FRAS1: variants seen among roughly 807,000 people sequenced by gnomAD.
FRAS1 encodes Fraser extracellular matrix complex subunit 1.
In FRAS1, 290 loss-of-function variants were observed where a neutral mutation model predicts 435.2. The observed-to-expected ratio is 0.67, with a 90% CI of 0.61 to 0.73. FRAS1 has a LOEUF of 0.73. Ranked by LOEUF, FRAS1 falls within the 30% of genes least tolerant of loss-of-function variation. The pLI is 0.00. For synonymous variants in FRAS1, 1,800 were observed against 1,851.0 expected, an observed-to-expected ratio of 0.97 and a Z score of 0.71; for missense variants, 4,860 against 5,001.5, an observed-to-expected ratio of 0.97 and a Z score of 0.85.
chr4:78,369,860 C>A lies in FRAS1; in HGVS notation c.2745C>A (p.Ser915Arg), dbSNP rs1279020615. ...CAGCATGCAACACACACTGTGGAAG[C>A]TGTGATTCACAGGCCAGCTGTACCT... The part of the protein sequence containing the change: ...VCQPCNTHCG[S>R]CDSQASCTSC... Residue 915 changes from serine to arginine, a missense_variant, in exon 23 of 74, where the codon AGC (serine) becomes AGA (arginine). By Grantham distance (110) the Ser-to-Arg change is moderately radical (BLOSUM62 -1). Coordinates refer to ENST00000512123, the MANE Select transcript of FRAS1 (RefSeq NM_025074.7). 1 of 1,613,116 alleles carries A rather than the reference C, an allele frequency of 6.2e-7. No homozygotes were observed. Among genetic ancestry groups the A allele is most frequent in the African/African-American group, 1.3e-5 (1 of 74,892 alleles).
chr4:78,534,021 G>T (rs1047691607), intron 70 of FRAS1, among the ~76,000 whole-genome samples: 6 of 152,162 alleles, frequency 3.9e-5, no homozygotes, highest in Admixed American at 3.9e-4. Flanking sequence ...AGGCAAGAGA[G>T]TATCGCCTAG....
intron 2 of FRAS1, among the ~76,000 whole-genome samples, chr4:78,173,633 G>T (rs1028741940): frequency 1.3e-5 from 2 of 152,258 alleles, no homozygotes; most frequent in South Asian, 2.1e-4. Context: ...TTTCATACAG[G>T]TATTTTGACT....
chr4:78,180,330 A>G (rs1032173319), intron 2 of FRAS1, among the ~76,000 whole-genome samples: 3 of 152,244 alleles, frequency 2.0e-5, no homozygotes, highest in Non-Finnish European at 2.9e-5. Context: ...AAAATATTAA[A>G]ACTAAGTTAA....
At chr4:78,129,538 GAAC>G (rs1719574228) in intron 2 of FRAS1, among the ~76,000 whole-genome samples, 2 of 136,474 alleles carry the variant, frequency 1.5e-5, no homozygotes, top group African/African-American at 7.0e-5. Flanking sequence ...CACATGCACA[GAAC>G]AGGGTAGTGG....
intron 14 of FRAS1, among the ~76,000 whole-genome samples, chr4:78,304,944 T>C (rs1728629981): frequency 6.6e-6 from 1 of 152,192 alleles, no homozygotes; most frequent in Non-Finnish European, 1.5e-5. Context: ...GTTCTTTTAA[T>C]TGTGATGTCA....
At chr4:78,243,436 T>C (rs1209992250) in intron 3 of FRAS1, among the ~76,000 whole-genome samples, 1 of 152,122 alleles carries the variant, frequency 6.6e-6, no homozygotes, top group Non-Finnish European at 1.5e-5. Flanking sequence ...CTGCAAAGCC[T>C]GGAGAAGGAC....
Position 78,445,824 on chromosome 4 carries a change from A to G in FRAS1, c.5856+112A>G. The G allele has an allele frequency of 2.1e-6, 3 of 1,425,240 alleles. 1 individual carries two copies. The highest frequency in any genetic ancestry group is 2.9e-5 in the African/African-American group (2 of 69,596). The allele number at this position is 1,425,240 out of a possible 1,614,324, so 88.3% of individuals were successfully genotyped here. On this transcript the variant is annotated intron_variant, in intron 42 of 73. Coordinates refer to ENST00000512123, the MANE Select transcript of FRAS1 (RefSeq NM_025074.7). ...CAAAGAAGATTGGATTTGACCTTCAAAATTGAAGGTCGTTCTTAAAATATA... is the reference window on the plus strand; with the variant it reads ...CAAAGAAGATTGGATTTGACCTTCAGAATTGAAGGTCGTTCTTAAAATATA...
intron 47 of FRAS1, among the ~76,000 whole-genome samples, chr4:78,459,009 GT>G (rs1213776665): frequency 6.6e-6 from 1 of 152,218 alleles, no homozygotes; most frequent in East Asian, 1.9e-4. Flanking sequence ...TCTCAGCTCT[GT>G]TTGGACATTA....
At chr4:78,379,482 T>C (rs1014152153) in intron 26 of FRAS1, 3 of 462,864 alleles carry the variant, frequency 6.5e-6, no homozygotes, top group Non-Finnish European at 1.1e-5. Context: ...AGAGACATCA[T>C]GTGTATTCTT....
intron 40 of FRAS1, among the ~76,000 whole-genome samples, chr4:78,440,538 G>A (rs1734619752): frequency 6.6e-6 from 1 of 152,050 alleles, no homozygotes; most frequent in South Asian, 2.1e-4. Flanking sequence ...AAAACACCAG[G>A]CTCAGATTGT....
chr4:78,516,392 G>A (rs59658562), intron 66 of FRAS1, among the ~76,000 whole-genome samples: 21,479 of 152,170 alleles, frequency 0.14, 1,826 homozygotes, highest in Non-Finnish European at 0.2. Flanking sequence ...GGGAAAATGC[G>A]TCAGATGATG....
intron 2 of FRAS1, among the ~76,000 whole-genome samples, chr4:78,153,214 C>T (rs576680277): frequency 3.3e-5 from 5 of 152,258 alleles, no homozygotes; most frequent in African/African-American, 1.2e-4. Flanking sequence ...CCACCCCTCA[C>T]CCTCTGCCTA....
At chr4:78,382,163 T>C (rs1313993911) in intron 27 of FRAS1, among the ~76,000 whole-genome samples, 1 of 152,154 alleles carries the variant, frequency 6.6e-6, no homozygotes, top group Non-Finnish European at 1.5e-5. Flanking sequence ...GCTGATATAC[T>C]GAACACTGTT....
At chr4:78,468,723 T>C (rs1719613469) in intron 50 of FRAS1, among the ~76,000 whole-genome samples, 1 of 152,220 alleles carries the variant, frequency 6.6e-6, no homozygotes, top group African/African-American at 2.4e-5. Flanking sequence ...AAACCTCGCC[T>C]GGGAAAAACT....
intron 70 of FRAS1, among the ~76,000 whole-genome samples, chr4:78,530,308 G>T (rs1321591263): frequency 1.3e-5 from 2 of 152,032 alleles, no homozygotes; most frequent in Non-Finnish European, 2.9e-5. Flanking sequence ...AATGTGGGAA[G>T]TGGCAGAGGA....
chr4:78,090,134 G>C (rs1741436921), intron 2 of FRAS1, among the ~76,000 whole-genome samples: 1 of 152,160 alleles, frequency 6.6e-6, no homozygotes, highest in Admixed American at 6.5e-5. Context: ...TGCTGTTCCA[G>C]TAATTGTGAA....
chr4:78,400,236 A>AGCTCCCT (rs1331720826), intron 29 of FRAS1, among the ~76,000 whole-genome samples: 1 of 152,180 alleles, frequency 6.6e-6, no homozygotes, highest in African/African-American at 2.4e-5. Context: ...ATTCTCCCAC[A>AGCTCCCT]GCTCCCTGCT....
intron 2 of FRAS1, among the ~76,000 whole-genome samples, chr4:78,116,554 T>C (rs962692933): frequency 3.3e-5 from 5 of 152,274 alleles, no homozygotes; most frequent in Non-Finnish European, 7.3e-5. Context: ...TTAGCTCTTC[T>C]TGTTGAATTG....
In FRAS1 at chr4:78,387,400, T is replaced by C. The variant is rs1732257937; in HGVS notation, c.3674T>C (p.Val1225Ala). The C allele has an allele frequency of 6.2e-7, 1 of 1,611,666 alleles. No individual in the cohort carries two copies. The change falls in exon 29 of 74, where the codon GTT becomes GCT. Residue 1225 changes from valine (V) to alanine (A), a missense_variant. Coordinates refer to ENST00000512123, the MANE Select transcript of FRAS1 (RefSeq NM_025074.7). ...GCCCCCTATGTGCTGAGAAATGAAG[T>C]TCTCCACATTAGCAGAGGAGAGAGG... ...TQAPYVLRNE[V>A]LHISRGERAT...
Sources: allele counts gnomAD v4.1 joint callset (sites outside exome capture counted in the v4.1 genomes callset), GRCh38; gene constraint gnomAD v4.1.1; transcripts MANE v1.5; gene names NCBI Gene and HGNC (gene_info 2026-07-23, HGNC 2026-07-21).